The following FHIT variants were observed in gnomAD, a reference collection of about 807,000 sequenced individuals.
The protein encoded by FHIT is bis(5'-adenosyl)-triphosphatase.
A neutral mutation model predicts 17.9 loss-of-function variants in FHIT; 19 were observed. The ratio of observed to expected loss-of-function variants is 1.06; its 90% confidence interval spans 0.74 to 1.56. The LOEUF (loss-of-function observed/expected upper bound fraction) is 1.56, where lower values mean the gene tolerates loss of function less well. Ranked by LOEUF, FHIT falls within the 40% of genes most tolerant of loss-of-function variation. The pLI is 0.00. For missense variants in FHIT, 248 were observed against 189.2 expected (o/e 1.31, Z -1.82); for synonymous variants, 81 against 69.7 (o/e 1.16, Z -0.81).
At chr3:59,903,646 A>G (rs995996136) in intron 8 of FHIT, among the ~76,000 whole-genome samples, 1 of 152,194 alleles carries the variant, frequency 6.6e-6, no homozygotes, top group Non-Finnish European at 1.5e-5. Flanking sequence ...GAGGAGGATT[A>G]TTGTAGCCTG....
At chr3:60,715,440 G>A (rs529453479) in intron 4 of FHIT, among the ~76,000 whole-genome samples, 121 of 152,082 alleles carry the variant, frequency 8.0e-4, no homozygotes, top group African/African-American at 2.6e-3. Flanking sequence ...CCATGCAGCC[G>A]TAAAAAAATG....
chr3:60,001,001 C>G (rs571190605), intron 7 of FHIT, among the ~76,000 whole-genome samples: 1 of 152,174 alleles, frequency 6.6e-6, no homozygotes, highest in South Asian at 2.1e-4. Flanking sequence ...AGGCGCCTGT[C>G]GTTCCCTGTT....
chr3:59,997,936 C>T (rs1295971331), intron 7 of FHIT, among the ~76,000 whole-genome samples: 1 of 151,978 alleles, frequency 6.6e-6, no homozygotes, highest in African/African-American at 2.4e-5. Flanking sequence ...CCTTAAATTT[C>T]TTCCCTATTT....
intron 8 of FHIT, among the ~76,000 whole-genome samples, chr3:59,880,260 T>C (rs189793628): frequency 6.6e-6 from 1 of 152,294 alleles, no homozygotes; most frequent in East Asian, 1.9e-4. Context: ...CCCCAAGACC[T>C]TGTGCCTGCT....
intron 5 of FHIT, among the ~76,000 whole-genome samples, chr3:60,285,448 C>T (rs726692): frequency 0.24 from 36,454 of 152,002 alleles, 5,125 homozygotes; most frequent in East Asian, 0.68. Flanking sequence ...GAATAATGAA[C>T]GGCAGACTTA....
chr3:60,098,835 A>G (rs1029478717), intron 5 of FHIT, among the ~76,000 whole-genome samples: 1 of 152,208 alleles, frequency 6.6e-6, no homozygotes, highest in Non-Finnish European at 1.5e-5. Context: ...GGTAAACAGT[A>G]GTCAAATTTT....
chr3:60,157,507 A>G (rs1700754482), intron 5 of FHIT, among the ~76,000 whole-genome samples: 1 of 152,150 alleles, frequency 6.6e-6, no homozygotes, highest in South Asian at 2.1e-4. Context: ...TAGCTCTTGT[A>G]TTAGCATCCC....
intron 2 of FHIT, among the ~76,000 whole-genome samples, chr3:61,047,302 T>C (rs1427707937): frequency 1.3e-5 from 2 of 152,160 alleles, no homozygotes; most frequent in South Asian, 2.1e-4. Context: ...ACAAAATCAA[T>C]GTGCAAAAAT....
chr3:60,913,698 T>C (rs746473678), intron 3 of FHIT, among the ~76,000 whole-genome samples: 14 of 152,188 alleles, frequency 9.2e-5, no homozygotes, highest in Non-Finnish European at 2.1e-4. Context: ...CTCCATATGG[T>C]GTTGACTGGG....
At chr3:61,070,045 G>T (rs574624117) in intron 2 of FHIT, among the ~76,000 whole-genome samples, 218 of 152,192 alleles carry the variant, frequency 1.4e-3, no homozygotes, top group Non-Finnish European at 2.7e-3. Context: ...TGAGTAGCAC[G>T]CCTGGCTGGC....
At chr3:60,931,530 C>G (rs1351277512) in intron 3 of FHIT, among the ~76,000 whole-genome samples, 1 of 152,084 alleles carries the variant, frequency 6.6e-6, no homozygotes, top group Non-Finnish European at 1.5e-5. Context: ...GTTTTTAGTA[C>G]AGATCTGTGT....
intron 7 of FHIT, among the ~76,000 whole-genome samples, chr3:59,942,000 C>T (rs1392846383): frequency 6.6e-6 from 1 of 152,288 alleles, no homozygotes; most frequent in Middle Eastern, 3.4e-3. Flanking sequence ...CCCCATAATA[C>T]AGTCAGTAAA....
chr3:59,896,446 T>G (rs551490267), intron 8 of FHIT, among the ~76,000 whole-genome samples: 1 of 152,298 alleles, frequency 6.6e-6, no homozygotes, highest in South Asian at 2.1e-4. Flanking sequence ...CAATTCAACA[T>G]AAGACTGAAA....
At chr3:60,530,076 C>G (rs895380541) in intron 5 of FHIT, among the ~76,000 whole-genome samples, 1 of 152,112 alleles carries the variant, frequency 6.6e-6, no homozygotes, top group Non-Finnish European at 1.5e-5. Flanking sequence ...GCCAGCCCAC[C>G]CCATCCCATG....
At chr3:60,985,504 C>T (rs975458401) in intron 3 of FHIT, among the ~76,000 whole-genome samples, 2 of 152,134 alleles carry the variant, frequency 1.3e-5, no homozygotes, top group African/African-American at 2.4e-5. Flanking sequence ...GACAAACATA[C>T]AGTGATTGGT....
At position 59,972,908 on chromosome 3, in the gene FHIT, C is replaced by G. The variant is rs192815198; in HGVS notation, c.279+38463G>C. On this transcript the variant is annotated intron_variant, in intron 7 of 9. Transcript: ENST00000492590. ...TGATCTACATGTTGCTCTTCAGTCA[C>G]AGGCTCCCTCACTTCCGTATTTTTG... 8.1e-4 allele frequency among the ~76,000 whole-genome samples: 123 copies of G among 152,194 alleles called. 1 individual carries two copies. Among genetic ancestry groups the G allele is most frequent in the African/African-American group, 2.7e-3 (113 of 41,554 alleles).
At position 60,330,470 on chromosome 3, in the gene FHIT, G is replaced by A. The variant is rs551817493; in HGVS notation, c.103+206390C>T. 2.6e-5 allele frequency among the ~76,000 whole-genome samples: 4 copies of A among 152,288 alleles called. No individual in the cohort carries two copies. The South Asian group carries it at 8.3e-4, about 32-fold the overall frequency. On this transcript the variant is annotated intron_variant, in intron 5 of 9. Transcript: ENST00000492590. Reference sequence around the variant, plus strand: ...ATCCAAACAAAAATTCGGCATGTGTGCCCATCCAGGCATGACTGTTCACTG... The same window carrying A: ...ATCCAAACAAAAATTCGGCATGTGTACCCATCCAGGCATGACTGTTCACTG...
At chr3:60,884,302 T>C (rs1433056598) in intron 3 of FHIT, among the ~76,000 whole-genome samples, 1 of 152,140 alleles carries the variant, frequency 6.6e-6, no homozygotes, top group African/African-American at 2.4e-5. Flanking sequence ...GAAAACGGTA[T>C]GGAGGTTCTT....
chr3:60,343,888 G>A (rs144750000), intron 5 of FHIT, among the ~76,000 whole-genome samples: 1 of 152,134 alleles, frequency 6.6e-6, no homozygotes. Context: ...GCATGCTTTT[G>A]GTGGCTCATG....
Sources: gnomAD v4.1 joint callset for allele counts (sites outside exome capture counted in the v4.1 genomes callset) on GRCh38, gnomAD v4.1.1 for gene constraint, MANE v1.5 for transcripts, NCBI Gene and HGNC (gene_info 2026-07-23, HGNC 2026-07-21) for gene names.